PCDH15: variants seen among roughly 807,000 people sequenced by gnomAD.
PCDH15 encodes protocadherin related 15, also known as protocadherin-15.
In PCDH15, 129 loss-of-function variants were observed where a neutral mutation model predicts 178.5. That is an observed-to-expected ratio of 0.72 (90% CI 0.63 to 0.84). The LOEUF (loss-of-function observed/expected upper bound fraction) is 0.84, where lower values mean the gene tolerates loss of function less well. PCDH15 is among the 40% of genes least tolerant of loss of function. The probability of loss-of-function intolerance (pLI) is 0.00; values close to 1 mark genes in which losing one functional copy is unlikely to be tolerated. For missense variants in PCDH15, 2,230 were observed against 2,099.9 expected, an observed-to-expected ratio of 1.06 and a Z score of -1.21; for synonymous variants, 800 against 732.0, an observed-to-expected ratio of 1.09 and a Z score of -1.50.
intron 2 of PCDH15, among the ~76,000 whole-genome samples, chr10:55,515,847 T>C (rs1841001639): frequency 6.6e-6 from 1 of 152,188 alleles, no homozygotes; most frequent in Admixed American, 6.6e-5. Flanking sequence ...ATTATTACTC[T>C]CTGTAAGGCT....
chr10:55,011,753 T>C (rs2131943703), intron 2 of PCDH15, among the ~76,000 whole-genome samples: 1 of 152,068 alleles, frequency 6.6e-6, no homozygotes, highest in Non-Finnish European at 1.5e-5. Flanking sequence ...CAGAATGCAA[T>C]TTCAAAGAAA....
chr10:54,075,864 T>C (rs905861647), intron 17 of PCDH15, among the ~76,000 whole-genome samples: 7 of 152,192 alleles, frequency 4.6e-5, no homozygotes, highest in African/African-American at 1.7e-4. Flanking sequence ...TTGTAGTTAG[T>C]TTGAAATCAA....
At chr10:54,532,800 T>C (rs1264182511) in intron 2 of PCDH15, among the ~76,000 whole-genome samples, 6 of 151,966 alleles carry the variant, frequency 3.9e-5, no homozygotes, top group Non-Finnish European at 7.4e-5. Context: ...TGAGCCACTA[T>C]CTGTGTGGAT....
chr10:54,202,812 C>CA (rs36086266), intron 10 of PCDH15, among the ~76,000 whole-genome samples: 71,057 of 105,652 alleles, frequency 0.67, 23,830 homozygotes, highest in East Asian at 0.85. Flanking sequence ...AACCCCACCT[C>CA]AAAAAAAAAA....
chr10:54,756,816 T>C (rs1476599663), intron 1 of PCDH15, among the ~76,000 whole-genome samples: 6 of 152,210 alleles, frequency 3.9e-5, no homozygotes, highest in Non-Finnish European at 5.9e-5. Flanking sequence ...TCACAATTTT[T>C]CTACATATAT....
At chr10:55,008,156 C>A (rs1839974366) in intron 2 of PCDH15, among the ~76,000 whole-genome samples, 1 of 151,956 alleles carries the variant, frequency 6.6e-6, no homozygotes, top group Non-Finnish European at 1.5e-5. Flanking sequence ...AGTTGCAAAT[C>A]TGGACTACTC....
intron 1 of PCDH15, among the ~76,000 whole-genome samples, chr10:55,297,908 G>A (rs1843173561): frequency 6.6e-6 from 1 of 152,054 alleles, no homozygotes; most frequent in African/African-American, 2.4e-5. Context: ...CCAAGCAGGA[G>A]ACTGGAGGAT....
chr10:54,873,785 GTA>G (rs1306149313), intron 3 of PCDH15, among the ~76,000 whole-genome samples: 1 of 146,942 alleles, frequency 6.8e-6, no homozygotes, highest in Non-Finnish European at 1.5e-5. Context: ...GTGTGTGTGT[GTA>G]TATATATATG....
At chr10:55,453,897 GA>G (rs1336817916) in intron 2 of PCDH15, among the ~76,000 whole-genome samples, 1 of 152,052 alleles carries the variant, frequency 6.6e-6, no homozygotes, top group East Asian at 1.9e-4. Flanking sequence ...GAGAATCTAA[GA>G]GTACCAAATT....
At chr10:54,906,671 G>A (rs1219632533) in intron 2 of PCDH15, among the ~76,000 whole-genome samples, 2 of 152,116 alleles carry the variant, frequency 1.3e-5, no homozygotes, top group Non-Finnish European at 2.9e-5. Flanking sequence ...CTGGAGGAGA[G>A]AGAGTGCCCA....
At chr10:53,945,073 A>G (rs997377992) in intron 23 of PCDH15, among the ~76,000 whole-genome samples, 1 of 152,210 alleles carries the variant, frequency 6.6e-6, no homozygotes, top group Non-Finnish European at 1.5e-5. Context: ...TTATAAATAT[A>G]TTTCCTCATT....
intron 3 of PCDH15, among the ~76,000 whole-genome samples, chr10:54,459,696 A>T (rs995982239): frequency 6.6e-6 from 1 of 152,156 alleles, no homozygotes; most frequent in Non-Finnish European, 1.5e-5. Context: ...AATAATTTCT[A>T]TATGTAATCA....
At chr10:55,560,500 A>G (rs1050233752) in intron 2 of PCDH15, among the ~76,000 whole-genome samples, 2 of 151,896 alleles carry the variant, frequency 1.3e-5, no homozygotes, top group African/African-American at 4.8e-5. Flanking sequence ...ACATACTGAG[A>G]AATTCTGACC....
At chr10:53,938,229 G>A (rs1212333037) in intron 25 of PCDH15, among the ~76,000 whole-genome samples, 3 of 151,812 alleles carry the variant, frequency 2.0e-5, no homozygotes, top group East Asian at 3.9e-4. Context: ...AATCTGTGAC[G>A]CTTTGTTTAC....
chr10:54,785,041 C>T (rs745896007), intron 1 of PCDH15, among the ~76,000 whole-genome samples: 9 of 151,686 alleles, frequency 5.9e-5, no homozygotes, highest in Admixed American at 2.6e-4. Context: ...CATTTCAGAA[C>T]GGAACACAGA....
chr10:54,126,949 C>T (rs939507345), intron 15 of PCDH15, among the ~76,000 whole-genome samples: 1 of 152,046 alleles, frequency 6.6e-6, no homozygotes, highest in Non-Finnish European at 1.5e-5. Flanking sequence ...GGCCATTTAA[C>T]CCAGGAACTG....
chr10:55,084,181 AAGCTATTGTAAACAAAATAGC>A (rs1236389812), intron 2 of PCDH15, among the ~76,000 whole-genome samples: 8 of 152,010 alleles, frequency 5.3e-5, no homozygotes, highest in African/African-American at 1.7e-4. Flanking sequence ...TAATACCACA[AAGCTATTGTAAACAAAATAGC>A]AGCTATTGTA....
chr10:54,932,903 TCACTCACC>T (rs1837818753), intron 2 of PCDH15, among the ~76,000 whole-genome samples: 1 of 152,124 alleles, frequency 6.6e-6, no homozygotes, highest in African/African-American at 2.4e-5. Context: ...CATCACTCAC[TCACTCACC>T]CACTCACCCA....
intron 18 of PCDH15, among the ~76,000 whole-genome samples, chr10:54,065,298 C>A (rs138428128): frequency 6.6e-6 from 1 of 152,124 alleles, no homozygotes; most frequent in Non-Finnish European, 1.5e-5. Context: ...TAGAGTTTGC[C>A]CTTGGAGTGA....
Sources: gnomAD v4.1 joint callset for allele counts (sites outside exome capture counted in the v4.1 genomes callset) on GRCh38, gnomAD v4.1.1 for gene constraint, MANE v1.5 for transcripts, NCBI Gene and HGNC (gene_info 2026-07-23, HGNC 2026-07-21) for gene names.